Variants in CERS6 observed in about 807,000 individuals in gnomAD.
CERS6 encodes the protein ceramide synthase 6.
CERS6 carries 26 observed loss-of-function variants against 56.8 expected under a neutral mutation model. The ratio of observed to expected loss-of-function variants is 0.46; its 90% CI spans 0.34 to 0.63. CERS6 has a LOEUF of 0.63. CERS6 is among the 30% of genes least tolerant of loss of function. The probability of loss-of-function intolerance (pLI) is 0.01; values close to 1 mark genes in which losing one functional copy is unlikely to be tolerated. For missense variants in CERS6, 415 were observed against 467.5 expected (o/e 0.89, Z 1.04); for synonymous variants, 164 against 173.3 (o/e 0.95, Z 0.42).
chr2:168,657,383 G>A (rs990092969), intron 4 of CERS6, among the ~76,000 whole-genome samples: 18 of 152,384 alleles, frequency 1.2e-4, no homozygotes, highest in Non-Finnish European at 2.2e-4. Flanking sequence ...TCACCTAGTG[G>A]ATCCCGCACC....
rs1211493881 is a variant in CERS6, at chr2:168,770,885, GTTTC to G, written c.*1225_*1228del. 2 of 152,072 alleles carry G rather than the reference GTTTC, an allele frequency of 1.3e-5. No homozygotes were observed. The highest frequency in any genetic ancestry group is 2.9e-5 in the Non-Finnish European group (2 of 68,004). The allele number at this position is 152,072 out of a possible 1,614,324, so 9.4% of individuals were successfully genotyped here. On this transcript the variant is annotated 3_prime_UTR_variant, in exon 10 of 10. Coordinates refer to ENST00000305747, the MANE Select transcript of CERS6 (RefSeq NM_203463.3). ...CCAGGAATTTTTTTCAAATGGGGCTGTTTCTGGAAAAATGAAAAATTCTATTGGA... is the reference window on the plus strand; with the variant it reads ...CCAGGAATTTTTTTCAAATGGGGCTGTGGAAAAATGAAAAATTCTATTGGA...
chr2:168,692,366 T>C (rs1686527603), intron 5 of CERS6, among the ~76,000 whole-genome samples: 1 of 152,180 alleles, frequency 6.6e-6, no homozygotes, highest in Non-Finnish European at 1.5e-5. Context: ...TACACACAAG[T>C]GCCAAATGAA....
At chr2:168,537,556 T>C (rs1695287575) in intron 1 of CERS6, among the ~76,000 whole-genome samples, 1 of 152,248 alleles carries the variant, frequency 6.6e-6, no homozygotes, top group Non-Finnish European at 1.5e-5. Context: ...AAAATCAATG[T>C]ATTATAGATT....
In CERS6 at chr2:168,770,713, G is replaced by T. The variant is rs1684842037; in HGVS notation, c.*1051G>T. 1 of 152,618 alleles carries T rather than the reference G, an allele frequency of 6.6e-6. No individual in the cohort carries two copies. Among genetic ancestry groups the T allele is most frequent in the African/African-American group, 2.4e-5 (1 of 41,452 alleles). The allele number at this position is 152,618 out of a possible 1,614,324, so 9.5% of individuals were successfully genotyped here. A position where few individuals can be genotyped will look rare whatever the true frequency, so the allele number is the denominator to read the frequency against. On this transcript the variant is annotated 3_prime_UTR_variant, in exon 10 of 10. Coordinates refer to ENST00000305747, the MANE Select transcript of CERS6 (RefSeq NM_203463.3). ...CAAGAAAAAGCCCTATCTAGTACTTGATGTTGATGTTTTTATTTTGCTGAG... is the reference window on the plus strand; with the variant it reads ...CAAGAAAAAGCCCTATCTAGTACTTTATGTTGATGTTTTTATTTTGCTGAG...
At chr2:168,460,502 AT>A (rs1030570535) in intron 1 of CERS6, among the ~76,000 whole-genome samples, 1 of 149,742 alleles carries the variant, frequency 6.7e-6, no homozygotes, top group African/African-American at 2.5e-5. Flanking sequence ...TGGTCAAGAG[AT>A]TTTTTTTTTC....
intron 4 of CERS6, among the ~76,000 whole-genome samples, chr2:168,661,532 T>C (rs1685629106): frequency 6.6e-6 from 1 of 152,236 alleles, no homozygotes; most frequent in Non-Finnish European, 1.5e-5. Context: ...ACATTTCTTA[T>C]CTTCTGTTTA....
intron 6 of CERS6, among the ~76,000 whole-genome samples, chr2:168,700,517 G>A (rs1338577400): frequency 1.3e-5 from 2 of 152,100 alleles, no homozygotes; most frequent in Admixed American, 1.3e-4. Flanking sequence ...AAAAGAAAGG[G>A]AGAAAGGTTA....
chr2:168,698,236 GAAAAAAA>G (rs1214508784), intron 6 of CERS6, among the ~76,000 whole-genome samples: 8 of 124,970 alleles, frequency 6.4e-5, no homozygotes, highest in East Asian at 4.3e-4. Context: ...TGTCTCACAG[GAAAAAAA>G]AAAAAAAAAA....
At position 168,456,427 on chromosome 2, in the gene CERS6, G is replaced by C. The variant is rs759873197; in HGVS notation, c.-22G>C. The C allele has an allele frequency of 2.7e-5, 43 of 1,598,618 alleles. No individual in the cohort carries two copies. The highest frequency in any genetic ancestry group is 1.2e-5 in the Non-Finnish European group (14 of 1,172,096). On this transcript the variant is annotated 5_prime_UTR_variant, in exon 1 of 10. Coordinates refer to ENST00000305747, the MANE Select transcript of CERS6 (RefSeq NM_203463.3). The surrounding 1 kb of genome is among the most constrained non-coding windows in gnomAD (Gnocchi z 4.1). ...AGCTTGGCGGGCTGCGGGTGCCGCA[G>C]GACAGGAGTGGACAAAGCAAGATGG...
intron 4 of CERS6, among the ~76,000 whole-genome samples, chr2:168,657,744 A>G (rs1408403326): frequency 6.6e-6 from 1 of 152,140 alleles, no homozygotes; most frequent in Non-Finnish European, 1.5e-5. Context: ...TGCGGGGCCC[A>G]CCAAGCCCAC....
intron 4 of CERS6, among the ~76,000 whole-genome samples, chr2:168,645,089 TTAAAAAAA>T (rs1428720813): frequency 0.097 from 996 of 10,284 alleles, 198 homozygotes; most frequent in African/African-American, 0.19. Flanking sequence ...AGACTGCATC[TTAAAAAAA>T]AAAAAAAAAA....
chr2:168,631,174 T>C (rs1684708778), intron 4 of CERS6, 132 bp downstream of exon 4: 1 of 495,076 alleles, frequency 2.0e-6, no homozygotes, highest in East Asian at 3.2e-5. Context: ...TATTTGTGCA[T>C]TTTCATTTGA....
intron 1 of CERS6, among the ~76,000 whole-genome samples, chr2:168,516,716 A>G (rs1219785195): frequency 6.6e-6 from 1 of 152,188 alleles, no homozygotes; most frequent in African/African-American, 2.4e-5. Context: ...GTTATTTGAT[A>G]TGTGACCTTA....
intron 8 of CERS6, among the ~76,000 whole-genome samples, chr2:168,720,160 C>T (rs1354751834): frequency 6.6e-6 from 1 of 151,682 alleles, no homozygotes; most frequent in Non-Finnish European, 1.5e-5. Context: ...AAACTCCTGA[C>T]CTCAAGTGAT....
chr2:168,707,503 G>T (rs950299453), intron 6 of CERS6, among the ~76,000 whole-genome samples: 6 of 152,098 alleles, frequency 3.9e-5, no homozygotes, highest in Admixed American at 2.6e-4. Context: ...AGGGTGCATA[G>T]GCTATACATA....
intron 2 of CERS6, among the ~76,000 whole-genome samples, chr2:168,548,799 T>C (rs557772583): frequency 5.3e-5 from 8 of 152,314 alleles, no homozygotes; most frequent in African/African-American, 1.9e-4. Context: ...CTTTTAAAAA[T>C]GTTTTTCCCT....
chr2:168,517,741 A>C (rs897211446), intron 1 of CERS6, among the ~76,000 whole-genome samples: 4 of 152,100 alleles, frequency 2.6e-5, no homozygotes, highest in South Asian at 2.1e-4. Context: ...TTTTCTTGGA[A>C]CTGGAATTAA....
chr2:168,722,282 G>A (rs187399899), intron 8 of CERS6, among the ~76,000 whole-genome samples: 160 of 152,256 alleles, frequency 1.1e-3, no homozygotes, highest in African/African-American at 3.8e-3. Context: ...GCATAAAAGC[G>A]TTTAGATTTG....
intron 3 of CERS6, among the ~76,000 whole-genome samples, chr2:168,608,200 A>G (rs975350350): frequency 1.3e-5 from 2 of 152,230 alleles, no homozygotes; most frequent in African/African-American, 4.8e-5. Flanking sequence ...TGAGTTTCAT[A>G]TAGCTCAGAG....
Sources: gnomAD v4.1 joint callset for allele counts (sites outside exome capture counted in the v4.1 genomes callset) on GRCh38, gnomAD v4.1.1 for gene constraint, Gnocchi (gnomAD v3.1) non-coding constraint, MANE v1.5 for transcripts, NCBI Gene and HGNC (gene_info 2026-07-23, HGNC 2026-07-21) for gene names.